LRRC7: variants seen among roughly 807,000 people sequenced by gnomAD.
LRRC7 encodes the protein leucine-rich repeat-containing protein 7.
LRRC7 carries 23 observed loss-of-function variants against 175.7 expected under a neutral mutation model. That is an observed-to-expected ratio of 0.13 (90% confidence interval 0.09 to 0.19). The LOEUF (loss-of-function observed/expected upper bound fraction) is 0.19. LRRC7 is among the 10% of genes least tolerant of loss of function. The pLI is 1.00. For missense variants in LRRC7, 1,354 were observed against 1,904.7 expected (o/e 0.71, Z 5.38); for synonymous variants, 685 against 680.9 (o/e 1.01, Z -0.09).
intron 4 of LRRC7, among the ~76,000 whole-genome samples, chr1:69,823,809 C>A (rs1679583139): frequency 1.3e-5 from 2 of 152,072 alleles, no homozygotes; most frequent in South Asian, 2.1e-4. Flanking sequence ...TGTATAATCT[C>A]TTTTAATCCT....
At chr1:69,699,536 TAAA>T (rs555325821) in intron 2 of LRRC7, among the ~76,000 whole-genome samples, 1 of 151,090 alleles carries the variant, frequency 6.6e-6, no homozygotes, top group Admixed American at 6.6e-5. Flanking sequence ...AGACTCCATC[TAAA>T]AAAAAAGAGA....
At chr1:69,745,372 T>A (rs1244579434) in intron 2 of LRRC7, among the ~76,000 whole-genome samples, 1 of 151,956 alleles carries the variant, frequency 6.6e-6, no homozygotes, top group East Asian at 1.9e-4. Flanking sequence ...GACATTCATA[T>A]ACAATACTTT....
chr1:69,908,046 C>A (rs1221415085), intron 7 of LRRC7, among the ~76,000 whole-genome samples: 3 of 152,150 alleles, frequency 2.0e-5, no homozygotes, highest in Non-Finnish European at 2.9e-5. Flanking sequence ...AGTTTATTTG[C>A]ATGGAGGTGT....
intron 11 of LRRC7, among the ~76,000 whole-genome samples, chr1:70,004,076 G>A (rs1215590296): frequency 1.3e-5 from 2 of 152,070 alleles, no homozygotes; most frequent in African/African-American, 4.8e-5. Context: ...GGGAAAATTG[G>A]GTTCAAATGA....
In LRRC7 at chr1:70,134,878, G is replaced by A. The variant is rs190827816; in HGVS notation, c.*12991G>A. On this transcript the variant is annotated 3_prime_UTR_variant, in exon 27 of 27. Transcript: ENST00000651989. Reference sequence around the variant, plus strand: ...GTGCCACCCATTTTAAAGCAAATACGGCAGGTGTCCACCATTGTTTTGGAT... The same window carrying A: ...GTGCCACCCATTTTAAAGCAAATACAGCAGGTGTCCACCATTGTTTTGGAT... Among the ~76,000 whole-genome samples, 18 of 152,150 alleles carry A rather than the reference G, an allele frequency of 1.2e-4. No homozygotes were observed. Among genetic ancestry groups the A allele is most frequent in the East Asian group, 1.9e-4 (1 of 5,182 alleles).
At chr1:69,929,539 C>T (rs914043272) in intron 7 of LRRC7, among the ~76,000 whole-genome samples, 2 of 152,148 alleles carry the variant, frequency 1.3e-5, no homozygotes, top group African/African-American at 4.8e-5. Context: ...AGAACCCTAC[C>T]ACATCTCAGC....
At chr1:69,761,828 G>C (rs1671069784) in intron 3 of LRRC7, among the ~76,000 whole-genome samples, 1 of 152,002 alleles carries the variant, frequency 6.6e-6, no homozygotes, top group Non-Finnish European at 1.5e-5. Context: ...CCCTGACTGA[G>C]AGAACAATGC....
intron 1 of LRRC7, among the ~76,000 whole-genome samples, chr1:69,648,332 A>G (rs1366164240): frequency 1.3e-5 from 2 of 152,094 alleles, no homozygotes; most frequent in East Asian, 1.9e-4. Flanking sequence ...GTGGGAGTCT[A>G]TAAGAGGAAC....
chr1:69,948,576 C>A (rs1649585019), intron 8 of LRRC7, among the ~76,000 whole-genome samples: 1 of 152,112 alleles, frequency 6.6e-6, no homozygotes, highest in Admixed American at 6.6e-5. Flanking sequence ...CATTTGGGTC[C>A]TTCAAGAAAT....
chr1:70,022,168 T>C (rs937551220), intron 16 of LRRC7: 1 of 152,204 alleles, frequency 6.6e-6, no homozygotes, highest in Non-Finnish European at 1.5e-5. Flanking sequence ...AAAAAATGTC[T>C]CTAGATAGTT....
intron 3 of LRRC7, among the ~76,000 whole-genome samples, chr1:69,772,937 G>A (rs1478216804): frequency 6.6e-6 from 1 of 152,126 alleles, no homozygotes; most frequent in African/African-American, 2.4e-5. Context: ...ATAGAGGAGA[G>A]ACCATTGTAT....
chr1:69,866,169 T>A lies in LRRC7; in HGVS notation c.647+27886T>A, dbSNP rs542798827. Among the ~76,000 whole-genome samples, 14 of 152,266 alleles carry A rather than the reference T, an allele frequency of 9.2e-5. No individual in the cohort carries two copies. The South Asian group carries it at 1.7e-3, about 18-fold the overall frequency. Reference sequence around the variant, plus strand: ...GGGTGAGTCTTCTAATGATAAAGGTTTGTTGTGTTTGTCTATTTTGAAATC... The same window carrying A: ...GGGTGAGTCTTCTAATGATAAAGGTATGTTGTGTTTGTCTATTTTGAAATC... On this transcript the variant is annotated intron_variant, in intron 7 of 26. Transcript: ENST00000651989.
intron 21 of LRRC7, among the ~76,000 whole-genome samples, chr1:70,042,652 G>A (rs1445818102): frequency 6.6e-6 from 1 of 152,204 alleles, no homozygotes; most frequent in Non-Finnish European, 1.5e-5. Context: ...CCATATGTCT[G>A]AGACTGCTTC....
intron 8 of LRRC7, among the ~76,000 whole-genome samples, chr1:69,965,834 C>T (rs551947706): frequency 1.3e-5 from 2 of 151,960 alleles, no homozygotes; most frequent in Non-Finnish European, 2.9e-5. Context: ...AAAAGGTGAA[C>T]AATATTAGTC....
chr1:69,959,372 AG>A (rs1442262408), intron 8 of LRRC7, among the ~76,000 whole-genome samples: 25 of 152,218 alleles, frequency 1.6e-4, no homozygotes, highest in African/African-American at 4.6e-4. Flanking sequence ...AGGTAAATTT[AG>A]CCTATCAGTG....
At chr1:69,799,287 T>A (rs1676182576) in intron 4 of LRRC7, among the ~76,000 whole-genome samples, 1 of 152,064 alleles carries the variant, frequency 6.6e-6, no homozygotes, top group Non-Finnish European at 1.5e-5. Flanking sequence ...AATTCTGGGC[T>A]TTTAGTATAA....
chr1:69,798,506 C>T (rs7531718), intron 4 of LRRC7, among the ~76,000 whole-genome samples: 151,382 of 152,278 alleles, frequency 0.99, 75,248 homozygotes, highest in Middle Eastern at 1. Flanking sequence ...TGCTTGATAG[C>T]TACATTAAAA....
chr1:70,076,855 A>C (rs1662820090), intron 24 of LRRC7, among the ~76,000 whole-genome samples: 1 of 152,214 alleles, frequency 6.6e-6, no homozygotes, highest in Non-Finnish European at 1.5e-5. Context: ...AGCAAAAAGA[A>C]TTGCGCTCTT....
chr1:69,669,870 G>T (rs1446607648), intron 1 of LRRC7, among the ~76,000 whole-genome samples: 2 of 151,956 alleles, frequency 1.3e-5, no homozygotes, highest in African/African-American at 4.8e-5. Context: ...ATGCATTGAT[G>T]CATTCTTCAG....
Sources: gnomAD v4.1 joint callset for allele counts (sites outside exome capture counted in the v4.1 genomes callset) on GRCh38, gnomAD v4.1.1 for gene constraint, MANE v1.5 for transcripts, NCBI Gene and HGNC (gene_info 2026-07-23, HGNC 2026-07-21) for gene names.